Variants in FCRLA observed in about 807,000 individuals in gnomAD.
The protein encoded by FCRLA is Fc receptor like A, also known as Fc receptor-like A.
In FCRLA, 26 loss-of-function variants were observed where a neutral mutation model predicts 28.4. That is an observed-to-expected ratio of 0.91 (90% CI 0.67 to 1.27). The LOEUF (loss-of-function observed/expected upper bound fraction) is 1.27. FCRLA is among the 50% of genes most tolerant of loss of function. The pLI is 0.00. For missense variants in FCRLA, 422 were observed against 433.1 expected (o/e 0.97, Z 0.23); for synonymous variants, 174 against 168.5 (o/e 1.03, Z -0.25).
intron 3 of FCRLA, 43 bp from the exon 4 acceptor site, chr1:161,711,891 A>G: frequency 1.3e-6 from 2 of 1,567,146 alleles, no homozygotes; most frequent in South Asian, 1.2e-5. Context: ...CTACCTGTAT[A>G]TAAGATGGCT....
Position 161,707,347 on chromosome 1 carries a change from A to G in FCRLA, c.79+4A>G, listed in dbSNP as rs766656444. 6 of 1,579,184 alleles carry G rather than the reference A, an allele frequency of 3.8e-6. No homozygotes were observed. The South Asian group carries it at 5.8e-5, about 15-fold the overall frequency. On this transcript the variant is annotated splice_donor_region_variant and intron_variant, in intron 1 of 4. Coordinates refer to ENST00000236938, the MANE Select transcript of FCRLA (RefSeq NM_032738.4). Reference sequence around the variant, plus strand: ...TGGGTGGCCCAGATGCTACTGGGTAAGTAAAATATTTGAATATTGGTGTGG... The same window carrying G: ...TGGGTGGCCCAGATGCTACTGGGTAGGTAAAATATTTGAATATTGGTGTGG...
At position 161,711,337 on chromosome 1, in the gene FCRLA, C is replaced by T; in HGVS notation, c.362C>T (p.Pro121Leu). ...TFYRDGSALG[P>L]PGPNREFSIT... The stretch of plus-strand genomic sequence containing the variant: ...TACCGAGATGGCTCAGCTCTGGGTC[C>T]CCCCGGGCCTAACAGGGAATTCTCC... Residue 121 changes from proline to leucine, a missense_variant, in exon 3 of 5, where the codon CCC (proline) becomes CTC (leucine). By Grantham distance (98) the Pro-to-Leu change is moderately conservative. Around this residue, in one of 3 missense-constraint regions of FCRLA, gnomAD observed 231 missense variants for 214.6 expected, o/e 1.08. Transcript: ENST00000236938. 1.2e-6 allele frequency: 2 copies of T among 1,614,202 alleles called. No individual in the cohort carries two copies. The highest frequency in any genetic ancestry group is 1.7e-6 in the Non-Finnish European group (2 of 1,180,032).
chr1:161,709,792 C>T (rs1265589320), intron 1 of FCRLA, among the ~76,000 whole-genome samples: 2 of 152,070 alleles, frequency 1.3e-5, no homozygotes, highest in Non-Finnish European at 1.5e-5. Context: ...TGTCACTTCC[C>T]TTGCCTAGGT....
At chr1:161,710,738 C>T in intron 1 of FCRLA, 22 bp from the exon 2 acceptor site, 3 of 1,614,108 alleles carry the variant, frequency 1.9e-6, no homozygotes, top group Non-Finnish European at 2.5e-6. Context: ...TTCTGGTTCT[C>T]CCTGGGCCAT....
intron 1 of FCRLA, among the ~76,000 whole-genome samples, chr1:161,709,476 C>T (rs1682991178): frequency 1.3e-5 from 2 of 151,930 alleles, no homozygotes; most frequent in Middle Eastern, 3.2e-3. Context: ...AGGCAGAGCA[C>T]AGATGAGTGA....
rs762589067 is a variant in FCRLA, at chr1:161,713,184, C to T, written c.884C>T (p.Pro295Leu). 37 of 1,614,120 alleles carry T rather than the reference C, an allele frequency of 2.3e-5. No individual in the cohort carries two copies. The Middle Eastern group carries it at 1.5e-3, about 65-fold the overall frequency. The change falls in exon 5 of 5, where the codon CCG (proline) becomes CTG (leucine). Residue 295 changes from proline (P) to leucine (L), a missense_variant. This residue lies in a region of FCRLA where 185 missense variants were observed against 198.1 expected (regional missense o/e 0.93). Transcript: ENST00000236938. ...APEEAPGPLP[P>L]PPTPSSEDPG... is the part of the protein sequence containing the mutation. Reference sequence around the variant, plus strand: ...GAGGAGGCCCCTGGGCCTCTGCCTCCGCCGCCAACCCCATCTTCTGAGGAT... The same window carrying T: ...GAGGAGGCCCCTGGGCCTCTGCCTCTGCCGCCAACCCCATCTTCTGAGGAT...
chr1:161,707,862 C>A (rs1682897777), intron 1 of FCRLA, among the ~76,000 whole-genome samples: 1 of 152,196 alleles, frequency 6.6e-6, no homozygotes, highest in Admixed American at 6.5e-5. Context: ...TCTCCTTGTA[C>A]TACATGGACT....
intron 1 of FCRLA, among the ~76,000 whole-genome samples, chr1:161,709,225 T>C (rs1258375929): frequency 6.6e-6 from 1 of 152,158 alleles, no homozygotes; most frequent in African/African-American, 2.4e-5. Flanking sequence ...CCTCTTGGGC[T>C]TAAGCAATCG....
intron 3 of FCRLA, 72 bp downstream of exon 3, chr1:161,711,546 T>A (rs1683103988): frequency 6.5e-7 from 1 of 1,533,138 alleles, no homozygotes; most frequent in Non-Finnish European, 8.8e-7. Context: ...TTGTCTTTCT[T>A]TAGCCTGGAG....
rs189783485 is a variant in FCRLA at position 161,714,142 on chromosome 1, T to C, written c.*762T>C. ...CTTTGGGAAGTGATTAGATCAGGAGTGCAGAGCCCTCATGATTAGGATTAG... is the reference window on the plus strand; with the variant it reads ...CTTTGGGAAGTGATTAGATCAGGAGCGCAGAGCCCTCATGATTAGGATTAG... On this transcript the variant is annotated 3_prime_UTR_variant, in exon 5 of 5. Transcript: ENST00000236938. 6.6e-6 allele frequency: 1 copy of C among 152,002 alleles called. No individual in the cohort carries two copies. Among genetic ancestry groups the C allele is most frequent in the African/African-American group, 2.4e-5 (1 of 41,342 alleles). The allele number at this position is 152,002 out of a possible 1,614,324, so 9.4% of individuals were successfully genotyped here. A position where few individuals can be genotyped will look rare whatever the true frequency, so the allele number is the denominator to read the frequency against.
At position 161,712,209 on chromosome 1, in the gene FCRLA, A is replaced by G. The variant is rs763955687; in HGVS notation, c.775A>G (p.Arg259Gly). Reference sequence around the variant, plus strand: ...GAAACAGAGCCCCCAGCTAGAGATCAGAGTGCAGGGTGAGTTCGCATCAGA... The same window carrying G: ...GAAACAGAGCCCCCAGCTAGAGATCGGAGTGCAGGGTGAGTTCGCATCAGA... ...VWKQSPQLEI[R>G]VQGASSSAAP... Residue 259 changes from arginine (R) to glycine (G), a missense_variant, in exon 4 of 5, where the codon AGA (arginine) becomes GGA (glycine). Transcript: ENST00000236938. 8 of 1,613,072 alleles carry G rather than the reference A, an allele frequency of 5.0e-6. No individual in the cohort carries two copies. In the South Asian group the frequency reaches 8.8e-5, roughly 18 times the overall value.
In FCRLA at chr1:161,714,162, G is replaced by T. The variant is rs1473734816; in HGVS notation, c.*782G>T. On this transcript the variant is annotated 3_prime_UTR_variant, in exon 5 of 5. Transcript: ENST00000236938. ...AGGAGTGCAGAGCCCTCATGATTAG[G>T]ATTAGTGCCCTTATTTAAAAAGGCC... The T allele has an allele frequency of 1.3e-5, 2 of 152,186 alleles. No homozygotes were observed. 9.4% of individuals were successfully genotyped at this position (152,186 alleles called of 1,614,324 possible). A position where few individuals can be genotyped will look rare whatever the true frequency, so the allele number is the denominator to read the frequency against.
Position 161,710,922 on chromosome 1 carries a change from T to G in FCRLA, c.232+10T>G, listed in dbSNP as rs1247309270. The G allele has an allele frequency of 6.2e-7, 1 of 1,612,284 alleles. No homozygotes were observed. The highest frequency in any genetic ancestry group is 1.7e-5 in the Admixed American group (1 of 60,000). ...CTGATTGTGTCCTATGGTGAGGTCCTGGGAAGGCCTGAGCAGTGCCCCAAA... is the reference window on the plus strand; with the variant it reads ...CTGATTGTGTCCTATGGTGAGGTCCGGGGAAGGCCTGAGCAGTGCCCCAAA... On this transcript the variant is annotated intron_variant, in intron 2 of 4. Transcript: ENST00000236938.
chr1:161,707,256 A>G lies in FCRLA; in HGVS notation c.-9A>G. 1 of 1,614,132 alleles carries G rather than the reference A, an allele frequency of 6.2e-7. No homozygotes were observed. On this transcript the variant is annotated 5_prime_UTR_variant, in exon 1 of 5. Coordinates refer to ENST00000236938, the MANE Select transcript of FCRLA (RefSeq NM_032738.4). ...TGTTGGGGTTGCAGGAGACCTAAAC[A>G]CAGTCACCATGAAGCTGGGCTGTGT...
intron 2 of FCRLA, 69 bp from the exon 3 acceptor site, chr1:161,711,139 G>T: frequency 6.5e-7 from 1 of 1,550,054 alleles, no homozygotes. Flanking sequence ...GTTTAGGGGA[G>T]TAGGCATGCT....
At chr1:161,710,508 C>T in intron 1 of FCRLA, 1 of 1,550,516 alleles carries the variant, frequency 6.4e-7, no homozygotes, top group East Asian at 2.4e-5. Flanking sequence ...TTTCACCATT[C>T]TTTCATTCTC....
Position 161,713,153 on chromosome 1 carries a change from G to T in FCRLA, c.853G>T (p.Ala285Ser). The T allele has an allele frequency of 6.2e-7, 1 of 1,614,192 alleles. No individual in the cohort carries two copies. Among genetic ancestry groups the T allele is most frequent in the Non-Finnish European group, 8.5e-7 (1 of 1,180,036 alleles). ...TCAGAAATCAGCTGCTCCAGGAACT[G>T]CTCCTGAGGAGGCCCCTGGGCCTCT... Reference protein sequence around the residue: ...APQKSAAPGTAPEEAPGPLPP... With the variant: ...APQKSAAPGTSPEEAPGPLPP... Residue 285 changes from alanine (A) to serine (S), a missense_variant, in exon 5 of 5, where the codon GCT (alanine) becomes TCT (serine). By Grantham distance (99) the Ala-to-Ser change is moderately conservative. This residue lies in a region of FCRLA where 185 missense variants were observed against 198.1 expected (regional missense o/e 0.93). Coordinates refer to ENST00000236938, the MANE Select transcript of FCRLA (RefSeq NM_032738.4).
intron 1 of FCRLA, among the ~76,000 whole-genome samples, chr1:161,708,797 C>G (rs1682957385): frequency 6.6e-6 from 1 of 152,206 alleles, no homozygotes; most frequent in Non-Finnish European, 1.5e-5. Context: ...TCTTTCTGCT[C>G]CAATGGCTGC....
intron 3 of FCRLA, 55 bp from the exon 4 acceptor site, chr1:161,711,879 G>A (rs1683118119): frequency 6.5e-7 from 1 of 1,547,618 alleles, no homozygotes; most frequent in Non-Finnish European, 8.7e-7. Context: ...ACCTGCATGT[G>A]TCTACCTGTA....
Sources: allele counts gnomAD v4.1 joint callset (sites outside exome capture counted in the v4.1 genomes callset), GRCh38; gene constraint gnomAD v4.1.1; regional missense constraint gnomAD v4.1.1; transcripts MANE v1.5; gene names NCBI Gene and HGNC (gene_info 2026-07-23, HGNC 2026-07-21).